Variants in ZC3H3 observed in about 807,000 individuals in gnomAD.
ZC3H3 encodes zinc finger CCCH-type containing 3.
Under a neutral mutation model 77.3 loss-of-function variants are expected in ZC3H3, and 36 were observed. The ratio of observed to expected loss-of-function variants is 0.47; its 90% CI spans 0.36 to 0.61. The LOEUF is 0.61. ZC3H3 is among the 20% of genes least tolerant of loss of function. The probability of loss-of-function intolerance (pLI) is 0.00; values close to 1 mark genes in which losing one functional copy is unlikely to be tolerated. For missense variants in ZC3H3, 1,331 were observed against 1,312.2 expected (o/e 1.01, Z -0.22); for synonymous variants, 626 against 555.2 (o/e 1.13, Z -1.79).
chr8:143,467,934 G>A (rs1031892903), intron 8 of ZC3H3, among the ~76,000 whole-genome samples: 1 of 152,210 alleles, frequency 6.6e-6, no homozygotes, highest in African/African-American at 2.4e-5. Context: ...GGGGCCTGGG[G>A]ATCTGGTGAG....
intron 5 of ZC3H3, among the ~76,000 whole-genome samples, chr8:143,471,986 C>G (rs1820579761): frequency 6.6e-6 from 1 of 152,226 alleles, no homozygotes; most frequent in South Asian, 2.1e-4. Context: ...TGCGGCCTCA[C>G]TGGGCTCTGC....
chr8:143,462,159 C>G lies in ZC3H3; in HGVS notation c.2307+3558G>C, dbSNP rs1337861060. ...TGTGCCAGGGCCACCCAGGACACTGCCAGGCCCACTGTGGCCCCCTGAAGA... is the reference window on the plus strand; with the variant it reads ...TGTGCCAGGGCCACCCAGGACACTGGCAGGCCCACTGTGGCCCCCTGAAGA... On this transcript the variant is annotated intron_variant, in intron 9 of 11. Transcript: ENST00000262577. This position sits in a 1 kb window ranked among gnomAD's most constrained non-coding sequence, Gnocchi z 4.7. Among the ~76,000 whole-genome samples the G allele has an allele frequency of 2.0e-5, 3 of 152,124 alleles. No homozygotes were observed. The highest frequency in any genetic ancestry group is 4.4e-5 in the Non-Finnish European group (3 of 68,008).
At chr8:143,496,841 C>T (rs1821365561) in intron 4 of ZC3H3, among the ~76,000 whole-genome samples, 2 of 152,246 alleles carry the variant, frequency 1.3e-5, no homozygotes, top group African/African-American at 4.8e-5. Context: ...GCTTTCCCGC[C>T]AAAATTGCGA....
At chr8:143,481,929 A>T (rs1820918649) in intron 4 of ZC3H3, among the ~76,000 whole-genome samples, 3 of 152,208 alleles carry the variant, frequency 2.0e-5, no homozygotes, top group Admixed American at 1.3e-4. Context: ...GCAGAGCCCC[A>T]GGCCGGCACT....
intron 5 of ZC3H3, among the ~76,000 whole-genome samples, chr8:143,474,050 A>G (rs1410411678): frequency 6.6e-6 from 1 of 152,180 alleles, no homozygotes; most frequent in Non-Finnish European, 1.5e-5. Flanking sequence ...CCACGGCAGC[A>G]TCCCCCAGGG....
At chr8:143,467,418 C>T (rs952086473) in intron 8 of ZC3H3, among the ~76,000 whole-genome samples, 1 of 152,196 alleles carries the variant, frequency 6.6e-6, no homozygotes, top group Non-Finnish European at 1.5e-5. Context: ...AGCTAATGAA[C>T]CCGAAACTCG....
Position 143,533,849 on chromosome 8 carries a change from T to C in ZC3H3, c.1561+2408A>G, listed in dbSNP as rs1470307730. 1.3e-5 allele frequency among the ~76,000 whole-genome samples: 2 copies of C among 152,150 alleles called. No individual in the cohort carries two copies. The highest frequency in any genetic ancestry group is 2.9e-5 in the Non-Finnish European group (2 of 68,018). On this transcript the variant is annotated intron_variant, in intron 3 of 11. Coordinates refer to ENST00000262577, the MANE Select transcript of ZC3H3 (RefSeq NM_015117.3). The surrounding 1 kb of genome is among the most constrained non-coding windows in gnomAD (Gnocchi z 4.0). ...CGCCACCACACCCAGCTAATTTTTGTATTTTTAGTAGAGACGGGGTTTTGC... is the reference window on the plus strand; with the variant it reads ...CGCCACCACACCCAGCTAATTTTTGCATTTTTAGTAGAGACGGGGTTTTGC...
intron 4 of ZC3H3, among the ~76,000 whole-genome samples, chr8:143,489,442 C>A (rs887784178): frequency 6.6e-6 from 1 of 152,194 alleles, no homozygotes; most frequent in African/African-American, 2.4e-5. Flanking sequence ...CCTCCCACCG[C>A]GGCTGGGCCA....
intron 3 of ZC3H3, among the ~76,000 whole-genome samples, chr8:143,517,385 GGCCTT>G (rs1396093330): frequency 6.6e-6 from 1 of 152,204 alleles, no homozygotes; most frequent in Non-Finnish European, 1.5e-5. Context: ...GGTGAACACA[GGCCTT>G]GGGCAGGGGT....
chr8:143,474,563 G>C (rs1156492471), intron 5 of ZC3H3, among the ~76,000 whole-genome samples: 1 of 149,428 alleles, frequency 6.7e-6, no homozygotes, highest in South Asian at 2.1e-4. Context: ...GGCTTCCAGG[G>C]AGGTACGCTT....
intron 3 of ZC3H3, among the ~76,000 whole-genome samples, chr8:143,525,221 C>T (rs1030491576): frequency 6.6e-6 from 1 of 152,224 alleles, no homozygotes; most frequent in African/African-American, 2.4e-5. Flanking sequence ...CCCTGAGGCT[C>T]CCCCAGGAGC....
intron 2 of ZC3H3, among the ~76,000 whole-genome samples, chr8:143,537,034 C>T (rs988183881): frequency 1.1e-4 from 17 of 152,152 alleles, no homozygotes; most frequent in East Asian, 3.9e-4. Flanking sequence ...ATGAGCTACA[C>T]GAGCCAGCAA....
chr8:143,462,025 C>T lies in ZC3H3; in HGVS notation c.2307+3692G>A, dbSNP rs4874138. On this transcript the variant is annotated intron_variant, in intron 9 of 11. Transcript: ENST00000262577. The surrounding 1 kb of genome is among the most constrained non-coding windows in gnomAD (Gnocchi z 4.7). ...ACCACAGATCAAAGGGTTAGATCAC[C>T]GTTGAGGGAAAGCACCCACGACATG... is the stretch of plus-strand genomic sequence containing the variant. Among the ~76,000 whole-genome samples the T allele has an allele frequency of 0.42, 63,465 of 151,180 alleles. 14,086 individuals are homozygous for T. Among genetic ancestry groups the T allele is most frequent in the African/African-American group, 0.57 (23,326 of 41,128 alleles).
At chr8:143,503,911 G>A (rs562278352) in intron 4 of ZC3H3, among the ~76,000 whole-genome samples, 1 of 152,316 alleles carries the variant, frequency 6.6e-6, no homozygotes, top group South Asian at 2.1e-4. Flanking sequence ...GGGCCCTGAC[G>A]CTGTCCTCCA....
chr8:143,510,887 C>T (rs1196248432), intron 3 of ZC3H3, among the ~76,000 whole-genome samples: 5 of 152,246 alleles, frequency 3.3e-5, no homozygotes, highest in Admixed American at 2.6e-4. Context: ...AAACCCCTTG[C>T]GCCTTTATTG....
intron 3 of ZC3H3, among the ~76,000 whole-genome samples, chr8:143,518,661 G>A (rs1822141229): frequency 6.6e-6 from 1 of 152,240 alleles, no homozygotes; most frequent in Non-Finnish European, 1.5e-5. Context: ...CTCCTCCAGG[G>A]CTGGTCTTGG....
chr8:143,492,742 C>G (rs112723465), intron 4 of ZC3H3, among the ~76,000 whole-genome samples: 3,292 of 98,928 alleles, frequency 0.033, 17 homozygotes, highest in Middle Eastern at 0.084. Context: ...CCTCCTCAGG[C>G]TCCCGTGTCC....
At chr8:143,449,376 C>G (rs565618204) in intron 9 of ZC3H3, among the ~76,000 whole-genome samples, 1 of 152,128 alleles carries the variant, frequency 6.6e-6, no homozygotes, top group African/African-American at 2.4e-5. Flanking sequence ...ATATGAGCAC[C>G]GAATGTCAGA....
rs1469567896 is a variant in ZC3H3, at chr8:143,530,276, G to A, written c.1561+5981C>T. ...ACACTGGCGACAAGTCTGGGAAGGC[G>A]GCTGCTTCCCAGGCAGGGCCCTGGG... On this transcript the variant is annotated intron_variant, in intron 3 of 11. Transcript: ENST00000262577. This position sits in a 1 kb window ranked among gnomAD's most constrained non-coding sequence, Gnocchi z 4.3. 6.6e-6 allele frequency among the ~76,000 whole-genome samples: 1 copy of A among 152,108 alleles called. No individual in the cohort carries two copies. Among genetic ancestry groups the A allele is most frequent in the Non-Finnish European group, 1.5e-5 (1 of 68,010 alleles).
Sources: gnomAD v4.1 joint callset for allele counts (sites outside exome capture counted in the v4.1 genomes callset) on GRCh38, gnomAD v4.1.1 for gene constraint, Gnocchi (gnomAD v3.1) non-coding constraint, MANE v1.5 for transcripts, NCBI Gene and HGNC (gene_info 2026-07-23, HGNC 2026-07-21) for gene names.